The following EHMT1 variants were observed in gnomAD, a reference collection of about 807,000 sequenced individuals.
The protein encoded by EHMT1 is histone-lysine N-methyltransferase EHMT1.
A neutral mutation model predicts 147.2 loss-of-function variants in EHMT1; 15 were observed. That is an observed-to-expected ratio of 0.10 (90% CI 0.07 to 0.16). EHMT1 has a LOEUF of 0.16. EHMT1 is among the 10% of genes least tolerant of loss of function. The pLI is 1.00. For synonymous variants in EHMT1, 795 were observed against 709.6 expected (o/e 1.12, Z -1.91); for missense variants, 1,587 against 1,772.4 (o/e 0.90, Z 1.88).
Position 137,762,925 on chromosome 9 carries a change from A to AG in EHMT1, c.1647+108dup, listed in dbSNP as rs1215355704. On this transcript the variant is annotated intron_variant, in intron 10 of 26. Coordinates refer to ENST00000460843, the MANE Select transcript of EHMT1 (RefSeq NM_024757.5). ...CTCGAGTGAGTTGTGCTGCGTGACC[A>AG]GGGCGGGAGCCTGAGTGGATTCTGC... 4 of 1,500,790 alleles carry AG rather than the reference A, an allele frequency of 2.7e-6. No homozygotes were observed. In the African/African-American group the frequency reaches 5.5e-5, roughly 21 times the overall value. The allele number at this position is 1,500,790 out of a possible 1,614,324, so 93.0% of individuals were successfully genotyped here.
intron 13 of EHMT1, 32 bp from the exon 14 acceptor site, chr9:137,779,603 C>T (rs1951228752): frequency 1.2e-6 from 2 of 1,612,404 alleles, no homozygotes; most frequent in Non-Finnish European, 1.7e-6. Flanking sequence ...ATGCAGAGCC[C>T]CATGCTGACT....
At chr9:137,738,250 T>C (rs892209610) in intron 4 of EHMT1, among the ~76,000 whole-genome samples, 2 of 149,482 alleles carry the variant, frequency 1.3e-5, no homozygotes, top group African/African-American at 2.5e-5. Context: ...GGCAAAGGAC[T>C]GGAATAGACG....
intron 16 of EHMT1, chr9:137,795,083 C>G (rs1369568370): frequency 6.6e-6 from 1 of 152,106 alleles, no homozygotes; most frequent in Non-Finnish European, 1.5e-5. Flanking sequence ...TTGACAGGTC[C>G]TTAGAGCATG....
intron 25 of EHMT1, among the ~76,000 whole-genome samples, chr9:137,822,066 C>G (rs1300168586): frequency 6.6e-6 from 1 of 152,192 alleles, no homozygotes; most frequent in African/African-American, 2.4e-5. Flanking sequence ...TTCTGTCACC[C>G]CCAAATCCCC....
At chr9:137,630,263 G>A (rs1299207701) in intron 1 of EHMT1, among the ~76,000 whole-genome samples, 3 of 152,198 alleles carry the variant, frequency 2.0e-5, no homozygotes, top group Non-Finnish European at 2.9e-5. Context: ...GATCCCTGAT[G>A]TTACAAAATT....
At chr9:137,736,441 A>G (rs1947535875) in intron 4 of EHMT1, among the ~76,000 whole-genome samples, 1 of 152,264 alleles carries the variant, frequency 6.6e-6, no homozygotes, top group South Asian at 2.1e-4. Context: ...AAGAAAGGAA[A>G]TGGAGGACTA....
rs971140133 is a variant in EHMT1 at position 137,765,301 on chromosome 9, G to A, written c.1647+2481G>A. Among the ~76,000 whole-genome samples, 31 of 152,162 alleles carry A rather than the reference G, an allele frequency of 2.0e-4. 1 individual carries two copies. The highest frequency in any genetic ancestry group is 4.0e-4 in the Non-Finnish European group (27 of 68,040). On this transcript the variant is annotated intron_variant, in intron 10 of 26. Coordinates refer to ENST00000460843, the MANE Select transcript of EHMT1 (RefSeq NM_024757.5). Reference sequence around the variant, plus strand: ...ATAAATAGCTACTTGTCTTTGCAGAGTAATGAATGGGTGCTCTAACAACCT... The same window carrying A: ...ATAAATAGCTACTTGTCTTTGCAGAATAATGAATGGGTGCTCTAACAACCT...
intron 25 of EHMT1, among the ~76,000 whole-genome samples, chr9:137,831,029 C>A (rs59026755): frequency 6.6e-6 from 1 of 152,044 alleles, no homozygotes; most frequent in Admixed American, 6.5e-5. Flanking sequence ...TTTCCTGGTT[C>A]GTAGCCAGTG....
rs879873295 is a variant in EHMT1, at chr9:137,787,221, A to G, written c.2383-3627A>G. The G allele has an allele frequency of 2.6e-5, 4 of 152,342 alleles. No homozygotes were observed. The highest frequency in any genetic ancestry group is 5.9e-5 in the Non-Finnish European group (4 of 68,210). The allele number at this position is 152,342 out of a possible 1,614,324, so 9.4% of individuals were successfully genotyped here. On this transcript the variant is annotated intron_variant, in intron 15 of 26. Coordinates refer to ENST00000460843, the MANE Select transcript of EHMT1 (RefSeq NM_024757.5). This position sits in a 1 kb window ranked among gnomAD's most constrained non-coding sequence, Gnocchi z 4.2. ...TTCTGTCATCTCTCATTAAAAAAAA[A>G]TGTTGTAAATTCCTTTACTGTTATC...
chr9:137,630,547 T>A (rs11137158), intron 1 of EHMT1, among the ~76,000 whole-genome samples: 22,798 of 152,180 alleles, frequency 0.15, 2,002 homozygotes, highest in Admixed American at 0.3. Context: ...AATTTAGAAA[T>A]CAAACCTAGA....
At chr9:137,626,012 A>T (rs1843230513) in intron 1 of EHMT1, among the ~76,000 whole-genome samples, 1 of 147,694 alleles carries the variant, frequency 6.8e-6, no homozygotes, top group African/African-American at 2.5e-5. Context: ...TGCACCACCA[A>T]GCCTGGCTAA....
At chr9:137,717,895 A>G (rs771778447) in intron 3 of EHMT1, among the ~76,000 whole-genome samples, 4 of 152,224 alleles carry the variant, frequency 2.6e-5, no homozygotes, top group Non-Finnish European at 4.4e-5. Context: ...GTGAGGGGCA[A>G]AGGGCCACCT....
intron 26 of EHMT1, 117 bp from the exon 27 acceptor site, chr9:137,834,656 C>T (rs2133158040): frequency 2.5e-6 from 4 of 1,596,006 alleles, no homozygotes; most frequent in South Asian, 1.1e-5. Context: ...AAACTGCGAC[C>T]TGGGATGCGG....
intron 1 of EHMT1, among the ~76,000 whole-genome samples, chr9:137,634,076 G>C (rs2133673828): frequency 6.6e-6 from 1 of 152,284 alleles, no homozygotes; most frequent in Non-Finnish European, 1.5e-5. Flanking sequence ...GCCTCTCAAA[G>C]TGCTGGGATT....
At chr9:137,727,324 T>A (rs1946724329) in intron 3 of EHMT1, among the ~76,000 whole-genome samples, 1 of 152,170 alleles carries the variant, frequency 6.6e-6, no homozygotes, top group East Asian at 1.9e-4. Context: ...TCTATTTTTT[T>A]CTTCTGTTGC....
At chr9:137,698,698 T>G (rs1943594083) in intron 1 of EHMT1, among the ~76,000 whole-genome samples, 1 of 152,202 alleles carries the variant, frequency 6.6e-6, no homozygotes, top group African/African-American at 2.4e-5. Context: ...GAGTCTTTTC[T>G]TCATGACATA....
chr9:137,626,344 G>T (rs546269070), intron 1 of EHMT1, among the ~76,000 whole-genome samples: 7 of 151,664 alleles, frequency 4.6e-5, no homozygotes, highest in African/African-American at 2.4e-5. Context: ...AACACAGCAA[G>T]ACCCTAAAAT....
At chr9:137,673,046 A>C (rs1940861311) in intron 1 of EHMT1, among the ~76,000 whole-genome samples, 1 of 152,176 alleles carries the variant, frequency 6.6e-6, no homozygotes, top group South Asian at 2.1e-4. Flanking sequence ...GGCTGGATGG[A>C]GCTTGAGAAC....
intron 15 of EHMT1, chr9:137,788,456 C>CGGAGGTTGCAGGTGTAG (rs1952184230): frequency 1.6e-5 from 3 of 182,454 alleles, no homozygotes; most frequent in Admixed American, 1.2e-4. Context: ...TGCAGGCGTA[C>CGGAGGTTGCAGGTGTAG]GGAGGTTGCA....
Sources: allele counts gnomAD v4.1 joint callset (sites outside exome capture counted in the v4.1 genomes callset), GRCh38; gene constraint gnomAD v4.1.1; non-coding constraint Gnocchi (gnomAD v3.1); transcripts MANE v1.5; gene names NCBI Gene and HGNC (gene_info 2026-07-23, HGNC 2026-07-21).